Variants in GPR158 observed in about 807,000 individuals in gnomAD.
The protein encoded by GPR158 is metabotropic glycine receptor.
In GPR158, 30 loss-of-function variants were observed where a neutral mutation model predicts 78.2. The observed-to-expected ratio is 0.38, with a 90% CI of 0.29 to 0.52. The LOEUF (loss-of-function observed/expected upper bound fraction) is 0.52. GPR158 is among the 20% of genes least tolerant of loss of function. The pLI, the probability that GPR158 is intolerant of heterozygous loss-of-function variation, is 0.83. For synonymous variants in GPR158, 581 were observed against 591.1 expected (o/e 0.98, Z 0.25); for missense variants, 1,463 against 1,523.5 (o/e 0.96, Z 0.66).
chr10:25,559,723 C>T (rs1029873764), intron 6 of GPR158, among the ~76,000 whole-genome samples: 2 of 151,990 alleles, frequency 1.3e-5, no homozygotes, highest in African/African-American at 4.8e-5. Flanking sequence ...GAGTAAAAAC[C>T]ATCCAAGAGC....
chr10:25,230,209 C>T lies in GPR158; in HGVS notation c.1008+9052C>T, dbSNP rs1046847653. Among the ~76,000 whole-genome samples the T allele has an allele frequency of 5.3e-5, 8 of 152,154 alleles. 1 individual carries two copies. The East Asian group carries it at 1.5e-3, about 29-fold the overall frequency. Reference sequence around the variant, plus strand: ...CAAAGATAAGATCCTGAATGTGAATCAAAATTCCTATCTTTCTGATCATAG... The same window carrying T: ...CAAAGATAAGATCCTGAATGTGAATTAAAATTCCTATCTTTCTGATCATAG... On this transcript the variant is annotated intron_variant, in intron 2 of 10. Transcript: ENST00000376351.
intron 2 of GPR158, among the ~76,000 whole-genome samples, chr10:25,252,996 G>A (rs1212577746): frequency 6.6e-6 from 1 of 152,214 alleles, no homozygotes; most frequent in African/African-American, 2.4e-5. Context: ...TCAGAGCCAG[G>A]TGTGGGATAT....
chr10:25,355,199 T>TA, intron 2 of GPR158, among the ~76,000 whole-genome samples: 1 of 152,020 alleles, frequency 6.6e-6, no homozygotes, highest in East Asian at 1.9e-4. Flanking sequence ...GCATTGGTCT[T>TA]TAGGTAATCT....
chr10:25,219,952 G>A (rs1853276196), intron 1 of GPR158, among the ~76,000 whole-genome samples: 1 of 152,036 alleles, frequency 6.6e-6, no homozygotes, highest in Non-Finnish European at 1.5e-5. Flanking sequence ...TTATACTTTT[G>A]TTTGCATTTA....
chr10:25,236,886 T>G (rs1853533683), intron 2 of GPR158, among the ~76,000 whole-genome samples: 1 of 152,242 alleles, frequency 6.6e-6, no homozygotes, highest in African/African-American at 2.4e-5. Flanking sequence ...TTGTCAAATG[T>G]GTATGCATGA....
At chr10:25,269,895 G>A (rs998671207) in intron 2 of GPR158, among the ~76,000 whole-genome samples, 1 of 152,102 alleles carries the variant, frequency 6.6e-6, no homozygotes, top group Admixed American at 6.6e-5. Context: ...ATTTTAGTAT[G>A]CTTATTGAAG....
chr10:25,467,222 T>C (rs1047657380), intron 5 of GPR158, among the ~76,000 whole-genome samples: 3 of 152,164 alleles, frequency 2.0e-5, no homozygotes, highest in Non-Finnish European at 4.4e-5. Flanking sequence ...AGACCTGGGA[T>C]CAATAGAAAG....
intron 2 of GPR158, among the ~76,000 whole-genome samples, chr10:25,311,364 T>C (rs66529856): frequency 2.0e-5 from 3 of 151,914 alleles, no homozygotes; most frequent in Non-Finnish European, 2.9e-5. Context: ...GTTTTAAAGT[T>C]TTTCTCACCT....
At chr10:25,234,296 C>G (rs28696908) in intron 2 of GPR158, among the ~76,000 whole-genome samples, 1 of 152,146 alleles carries the variant, frequency 6.6e-6, no homozygotes, top group Non-Finnish European at 1.5e-5. Flanking sequence ...CCTTAGACCC[C>G]GCTGAATTCT....
At chr10:25,484,130 C>T (rs1191078928) in intron 5 of GPR158, among the ~76,000 whole-genome samples, 2 of 152,108 alleles carry the variant, frequency 1.3e-5, no homozygotes, top group Non-Finnish European at 2.9e-5. Context: ...ACCTAAAGCC[C>T]TACCCCACTG....
At chr10:25,229,919 G>A (rs1588746615) in intron 2 of GPR158, among the ~76,000 whole-genome samples, 1 of 152,134 alleles carries the variant, frequency 6.6e-6, no homozygotes, top group African/African-American at 2.4e-5. Context: ...GTTCCCATAG[G>A]CCCTGGATTT....
At chr10:25,526,507 C>G (rs1264381431) in intron 5 of GPR158, among the ~76,000 whole-genome samples, 1 of 152,024 alleles carries the variant, frequency 6.6e-6, no homozygotes, top group African/African-American at 2.4e-5. Context: ...CATCTGGATC[C>G]AATCAAGAGA....
chr10:25,418,846 A>G (rs1431918570), intron 4 of GPR158, among the ~76,000 whole-genome samples: 1 of 149,664 alleles, frequency 6.7e-6, no homozygotes, highest in Non-Finnish European at 1.5e-5. Context: ...TTTTTAAAAA[A>G]CATGGACACA....
chr10:25,591,613 C>T (rs1020551720), intron 8 of GPR158, among the ~76,000 whole-genome samples: 2 of 152,086 alleles, frequency 1.3e-5, no homozygotes, highest in Non-Finnish European at 2.9e-5. Context: ...TCTATTACTT[C>T]TGAAAAGGGA....
chr10:25,227,216 A>ACAAG (rs1270650465), intron 2 of GPR158, among the ~76,000 whole-genome samples: 12 of 152,214 alleles, frequency 7.9e-5, no homozygotes, highest in African/African-American at 2.9e-4. Flanking sequence ...TCAGTTAAGG[A>ACAAG]CAAGCTGGCT....
At chr10:25,446,849 T>C (rs1835143359) in intron 4 of GPR158, among the ~76,000 whole-genome samples, 2 of 152,196 alleles carry the variant, frequency 1.3e-5, no homozygotes, top group African/African-American at 4.8e-5. Flanking sequence ...GTAGGACAAC[T>C]TTTTTGTATC....
chr10:25,416,321 G>GC (rs1368052015), intron 4 of GPR158, among the ~76,000 whole-genome samples: 1 of 152,140 alleles, frequency 6.6e-6, no homozygotes, highest in Non-Finnish European at 1.5e-5. Context: ...AGGTACACAT[G>GC]CAATCGCAGA....
intron 4 of GPR158, among the ~76,000 whole-genome samples, chr10:25,446,950 T>C (rs1226954717): frequency 6.6e-6 from 1 of 152,240 alleles, no homozygotes; most frequent in Non-Finnish European, 1.5e-5. Context: ...GGAATTTTGT[T>C]GCTTTATTTG....
intron 5 of GPR158, among the ~76,000 whole-genome samples, chr10:25,479,935 A>G (rs1274940054): frequency 1.3e-5 from 2 of 151,802 alleles, no homozygotes; most frequent in Admixed American, 6.6e-5. Flanking sequence ...TCTTTATTCT[A>G]TGACCTTTAC....
Sources: gnomAD v4.1 joint callset for allele counts (sites outside exome capture counted in the v4.1 genomes callset) on GRCh38, gnomAD v4.1.1 for gene constraint, MANE v1.5 for transcripts, NCBI Gene and HGNC (gene_info 2026-07-23, HGNC 2026-07-21) for gene names.